OSBP2: variants seen among roughly 807,000 people sequenced by gnomAD.
The protein encoded by OSBP2 is oxysterol binding protein 2, also known as oxysterol-binding protein 2.
OSBP2 carries 66 observed loss-of-function variants against 96.0 expected under a neutral mutation model. The observed-to-expected ratio is 0.69, with a 90% confidence interval of 0.56 to 0.84. The LOEUF is 0.84. Ranked by LOEUF, OSBP2 falls within the 40% of genes least tolerant of loss-of-function variation. OSBP2 has a pLI of 0.00. For synonymous variants in OSBP2, 525 were observed against 520.9 expected (o/e 1.01, Z -0.11); for missense variants, 1,038 against 1,222.7 (o/e 0.85, Z 2.25).
chr22:30,842,277 G>A (rs1363959884), intron 2 of OSBP2, among the ~76,000 whole-genome samples: 7 of 152,086 alleles, frequency 4.6e-5, no homozygotes, highest in Admixed American at 2.0e-4. Flanking sequence ...CAGTCTGGGC[G>A]ACAGAGCAAG....
chr22:30,876,547 G>A (rs1277138465), intron 3 of OSBP2, among the ~76,000 whole-genome samples: 1 of 152,212 alleles, frequency 6.6e-6, no homozygotes, highest in African/African-American at 2.4e-5. Context: ...CATCTCTGGT[G>A]GGCCCAGCAG....
At chr22:30,733,289 C>T (rs1370880191) in intron 1 of OSBP2, among the ~76,000 whole-genome samples, 2 of 152,180 alleles carry the variant, frequency 1.3e-5, no homozygotes, top group Non-Finnish European at 1.5e-5. Context: ...GCTTCAAGAC[C>T]TCGCCACTGC....
At chr22:30,783,302 CTTTT>C (rs35470453) in intron 2 of OSBP2, among the ~76,000 whole-genome samples, 18 of 34,696 alleles carry the variant, frequency 5.2e-4, no homozygotes, top group African/African-American at 2.5e-3. Context: ...ATTCAGAGAG[CTTTT>C]TTTTTTTTTT....
At chr22:30,841,187 T>A (rs1332302185) in intron 2 of OSBP2, among the ~76,000 whole-genome samples, 1 of 151,878 alleles carries the variant, frequency 6.6e-6, no homozygotes, top group Non-Finnish European at 1.5e-5. Flanking sequence ...AAACAAAAAA[T>A]AAATAATAAA....
At chr22:30,694,432 A>G, upstream of OSBP2, 1 of 1,408,484 alleles carries the variant, frequency 7.1e-7, no homozygotes, top group Non-Finnish European at 9.3e-7. Context: ...TGGGTGCCGT[A>G]CCTGCTTCCC....
At chr22:30,730,809 A>ATATATATATAT (rs1569100787) in intron 1 of OSBP2, among the ~76,000 whole-genome samples, 3 of 21,268 alleles carry the variant, frequency 1.4e-4, no homozygotes, top group South Asian at 2.2e-3. Flanking sequence ...TATATATATA[A>ATATATATATAT]TTTTTTTTTT....
chr22:30,902,489 G>A, intron 12 of OSBP2: 1 of 1,577,936 alleles, frequency 6.3e-7, no homozygotes, highest in Non-Finnish European at 8.7e-7. Flanking sequence ...TTCAGAAAAG[G>A]TGTACCAGAT....
chr22:30,880,158 T>G (rs2039670631), intron 3 of OSBP2, among the ~76,000 whole-genome samples: 1 of 152,196 alleles, frequency 6.6e-6, no homozygotes, highest in Non-Finnish European at 1.5e-5. Context: ...AGGGAGACCC[T>G]GACTCTCTGC....
At chr22:30,844,358 G>A (rs906493438) in intron 2 of OSBP2, 2 of 152,290 alleles carry the variant, frequency 1.3e-5, no homozygotes, top group African/African-American at 2.4e-5. Context: ...ACAGAAGACT[G>A]TTTCATCTAC....
intron 2 of OSBP2, among the ~76,000 whole-genome samples, chr22:30,836,269 G>T (rs747251194): frequency 3.9e-5 from 6 of 152,152 alleles, no homozygotes; most frequent in Non-Finnish European, 8.8e-5. Context: ...TCGCTTATCA[G>T]GGTGCTGTTA....
At chr22:30,732,521 G>A (rs1191621706) in intron 1 of OSBP2, among the ~76,000 whole-genome samples, 1 of 152,150 alleles carries the variant, frequency 6.6e-6, no homozygotes, top group Non-Finnish European at 1.5e-5. Context: ...GGCATGAGGA[G>A]CCGTAGGTGG....
intron 2 of OSBP2, among the ~76,000 whole-genome samples, chr22:30,812,735 T>C (rs568120914): frequency 1.3e-5 from 2 of 152,376 alleles, no homozygotes; most frequent in South Asian, 4.1e-4. Context: ...TAAATTGATA[T>C]GATCCAACAG....
At chr22:30,778,335 C>CACACACACA (rs1569119589) in intron 2 of OSBP2, among the ~76,000 whole-genome samples, 35 of 100,668 alleles carry the variant, frequency 3.5e-4, no homozygotes, top group African/African-American at 1.3e-3. Flanking sequence ...ACACACACAC[C>CACACACACA]CACTGACAGC....
chr22:30,765,133 A>G (rs1343890315), intron 2 of OSBP2, among the ~76,000 whole-genome samples: 1 of 152,052 alleles, frequency 6.6e-6, no homozygotes, highest in Non-Finnish European at 1.5e-5. Flanking sequence ...GGCTCAGGCA[A>G]TTTTCCTGCC....
intron 1 of OSBP2, among the ~76,000 whole-genome samples, chr22:30,736,387 C>T (rs1242031397): frequency 6.6e-6 from 1 of 152,114 alleles, no homozygotes; most frequent in African/African-American, 2.4e-5. Flanking sequence ...AATGCCTTTA[C>T]TTAGTCCCCT....
chr22:30,750,073 T>G (rs114194336), intron 2 of OSBP2, among the ~76,000 whole-genome samples: 2,087 of 152,292 alleles, frequency 0.014, 42 homozygotes, highest in African/African-American at 0.047. Flanking sequence ...AGTGTTTGAG[T>G]GCTGTCATTC....
chr22:30,866,335 A>C (rs868153936), intron 2 of OSBP2, among the ~76,000 whole-genome samples: 1 of 152,234 alleles, frequency 6.6e-6, no homozygotes. Flanking sequence ...CAGCCTGCAG[A>C]AGCTAGAAAA....
intron 3 of OSBP2, among the ~76,000 whole-genome samples, chr22:30,884,545 C>T (rs533080622): frequency 1.3e-5 from 2 of 152,222 alleles, no homozygotes; most frequent in Non-Finnish European, 2.9e-5. Context: ...CACACCTTGC[C>T]CTGCCCACCC....
At chr22:30,869,530 G>T (rs879473261) in intron 2 of OSBP2, among the ~76,000 whole-genome samples, 30 of 152,124 alleles carry the variant, frequency 2.0e-4, no homozygotes, top group Non-Finnish European at 3.7e-4. Context: ...TGTTTTGGGT[G>T]TTTTTGTTTT....
Sources: allele counts gnomAD v4.1 joint callset (sites outside exome capture counted in the v4.1 genomes callset), GRCh38; gene constraint gnomAD v4.1.1; transcripts MANE v1.5; gene names NCBI Gene and HGNC (gene_info 2026-07-23, HGNC 2026-07-21).